Variants in GPR176 observed in about 807,000 individuals in gnomAD.
GPR176 encodes the protein G protein-coupled receptor 176, also known as G-protein coupled receptor 176.
In GPR176, 26 loss-of-function variants were observed where a neutral mutation model predicts 35.4. The ratio of observed to expected loss-of-function variants is 0.74; its 90% CI spans 0.54 to 1.02. The LOEUF is 1.02. Ranked by LOEUF, GPR176 falls within the 50% of genes least tolerant of loss-of-function variation. The pLI is 0.00. For synonymous variants in GPR176, 278 were observed against 271.3 expected (o/e 1.02, Z -0.24); for missense variants, 597 against 665.3 (o/e 0.90, Z 1.13).
intron 1 of GPR176, among the ~76,000 whole-genome samples, chr15:39,888,870 A>G (rs192782410): frequency 2.0e-5 from 3 of 152,118 alleles, no homozygotes; most frequent in African/African-American, 7.2e-5. Context: ...TTTGCGATAA[A>G]CAGTCACCTC....
chr15:39,824,871 T>A (rs1025594816), intron 1 of GPR176, among the ~76,000 whole-genome samples: 2 of 152,178 alleles, frequency 1.3e-5, no homozygotes, highest in Non-Finnish European at 2.9e-5. Context: ...CAGTTTTAGT[T>A]TCTTCCTGAT....
At chr15:39,908,948 T>C (rs943850066) in intron 1 of GPR176, among the ~76,000 whole-genome samples, 2 of 152,168 alleles carry the variant, frequency 1.3e-5, no homozygotes, top group Non-Finnish European at 2.9e-5. Context: ...GGAGTGGGGC[T>C]ATACAGAGTA....
In GPR176 at chr15:39,807,263, T is replaced by C; in HGVS notation, c.173-5A>G. 1 of 1,484,228 alleles carries C rather than the reference T, an allele frequency of 6.7e-7. No individual in the cohort carries two copies. Among genetic ancestry groups the C allele is most frequent in the Non-Finnish European group, 9.0e-7 (1 of 1,112,352 alleles). 91.9% of individuals were successfully genotyped at this position (1,484,228 alleles called of 1,614,324 possible). A position where few individuals can be genotyped will look rare whatever the true frequency, so the allele number is the denominator to read the frequency against. ...ACCATAACACCATGAAGTTTCCTGGTCAGATATGAAAGAAAATAAAATAAT... is the reference window on the plus strand; with the variant it reads ...ACCATAACACCATGAAGTTTCCTGGCCAGATATGAAAGAAAATAAAATAAT... On this transcript the variant is annotated splice_polypyrimidine_tract_variant and splice_region_variant and intron_variant, in intron 1 of 2. Transcript: ENST00000561100.
At chr15:39,862,950 C>A (rs1021679671) in intron 1 of GPR176, among the ~76,000 whole-genome samples, 7 of 152,070 alleles carry the variant, frequency 4.6e-5, no homozygotes, top group Non-Finnish European at 8.8e-5. Flanking sequence ...CCTGTTATTG[C>A]CCCTGAAGAC....
chr15:39,916,004 A>G (rs540059678), intron 1 of GPR176, among the ~76,000 whole-genome samples: 1 of 152,264 alleles, frequency 6.6e-6, no homozygotes, highest in Non-Finnish European at 1.5e-5. Context: ...ACCTCTGATG[A>G]TGATTGCCAC....
Position 39,801,601 on chromosome 15 carries a change from T to C in GPR176, c.1079A>G (p.Glu360Gly), listed in dbSNP as rs770278128. ...TGSGMAEASL[E>G]PSIRSGSQLL... Reference sequence around the variant, plus strand: ...CTGGCTACCCGAGCGTATGCTGGGTTCCAGGCTGGCCTCAGCCATGCCACT... The same window carrying C: ...CTGGCTACCCGAGCGTATGCTGGGTCCCAGGCTGGCCTCAGCCATGCCACT... Residue 360 changes from glutamate (E) to glycine (G), a missense_variant, in exon 3 of 3, where the codon GAA (glutamate) becomes GGA (glycine). By Grantham distance (98) the Glu-to-Gly change is moderately conservative. Coordinates refer to ENST00000561100, the MANE Select transcript of GPR176 (RefSeq NM_007223.3). 6.2e-7 allele frequency: 1 copy of C among 1,613,820 alleles called. No homozygotes were observed. Among genetic ancestry groups the C allele is most frequent in the South Asian group, 1.1e-5 (1 of 91,076 alleles).
At position 39,801,340 on chromosome 15, in the gene GPR176, T is replaced by C. The variant is rs1339354360; in HGVS notation, c.1340A>G (p.Asp447Gly). ...AAPVEPETFPDKYSLQFGFGP... is the reference protein window; with the variant it reads ...AAPVEPETFPGKYSLQFGFGP... ...AAAGCCAAACTGCAGGGAATACTTA[T>C]CAGGGAATGTTTCAGGTTCCACAGG... The change falls in exon 3 of 3, where the codon GAT becomes GGT. Residue 447 changes from aspartate (D) to glycine (G), a missense_variant. Physicochemically the swap from Asp to Gly is moderately conservative, Grantham distance 94. This residue lies in a region of GPR176 where 251 missense variants were observed against 255.4 expected (regional missense o/e 0.98). Coordinates refer to ENST00000561100, the MANE Select transcript of GPR176 (RefSeq NM_007223.3). 15 of 1,613,996 alleles carry C rather than the reference T, an allele frequency of 9.3e-6. No individual in the cohort carries two copies. The highest frequency in any genetic ancestry group is 4.4e-5 in the South Asian group (4 of 91,084).
intron 2 of GPR176, 100 bp downstream of exon 2, chr15:39,806,906 A>T: frequency 1.0e-6 from 1 of 1,004,858 alleles, no homozygotes; most frequent in Admixed American, 2.5e-5. Context: ...CTGACTAAAA[A>T]GCAGTATACG....
intron 1 of GPR176, among the ~76,000 whole-genome samples, chr15:39,872,607 A>C (rs1460811604): frequency 6.6e-6 from 1 of 152,160 alleles, no homozygotes; most frequent in Non-Finnish European, 1.5e-5. Flanking sequence ...TTTACAAGAA[A>C]AGAGGTTTAA....
chr15:39,807,275 GAAA>G lies in GPR176; in HGVS notation c.173-20_173-18del, dbSNP rs572465994. The G allele has an allele frequency of 2.8e-3, 4,002 of 1,408,314 alleles. 9 individuals are homozygous for G. Among genetic ancestry groups the G allele is most frequent in the Non-Finnish European group, 3.4e-3 (3,635 of 1,064,546 alleles). 87.2% of individuals were successfully genotyped at this position (1,408,314 alleles called of 1,614,324 possible). A position where few individuals can be genotyped will look rare whatever the true frequency, so the allele number is the denominator to read the frequency against. ...TGAAGTTTCCTGGTCAGATATGAAA[GAAA>G]ATAAAATAATTTAAATAAAAATTTA... On this transcript the variant is annotated intron_variant, in intron 1 of 2. Coordinates refer to ENST00000561100, the MANE Select transcript of GPR176 (RefSeq NM_007223.3).
chr15:39,913,971 G>A (rs1245458778), intron 1 of GPR176, among the ~76,000 whole-genome samples: 4 of 152,096 alleles, frequency 2.6e-5, no homozygotes, highest in East Asian at 3.9e-4. Flanking sequence ...GCGTGAACCT[G>A]GGAGGCGGAC....
intron 1 of GPR176, among the ~76,000 whole-genome samples, chr15:39,872,990 A>C (rs2032106067): frequency 6.6e-6 from 1 of 150,406 alleles, no homozygotes; most frequent in Admixed American, 6.7e-5. Context: ...ATAGAATCCA[A>C]ACAGTGCTTT....
At chr15:39,809,022 G>C (rs192778537) in intron 1 of GPR176, among the ~76,000 whole-genome samples, 1 of 152,198 alleles carries the variant, frequency 6.6e-6, no homozygotes, top group South Asian at 2.1e-4. Flanking sequence ...CTCTCACAGG[G>C]AACCAGTCCT....
intron 1 of GPR176, among the ~76,000 whole-genome samples, chr15:39,882,651 T>C (rs564107839): frequency 2.0e-5 from 3 of 152,260 alleles, no homozygotes; most frequent in Non-Finnish European, 4.4e-5. Flanking sequence ...CACTTCTTTA[T>C]TCACCAAAAC....
chr15:39,903,869 T>C (rs78283647), intron 1 of GPR176, among the ~76,000 whole-genome samples: 1,964 of 152,178 alleles, frequency 0.013, 53 homozygotes, highest in African/African-American at 0.042. Context: ...ACGAATCCCA[T>C]AGGGTGAAGT....
chr15:39,840,839 C>G (rs534212496), intron 1 of GPR176, among the ~76,000 whole-genome samples: 17 of 152,174 alleles, frequency 1.1e-4, no homozygotes, highest in East Asian at 3.9e-4. Context: ...TTAATATTTA[C>G]CAAGTATTTT....
At chr15:39,918,685 C>T (rs1432940574) in intron 1 of GPR176, among the ~76,000 whole-genome samples, 1 of 151,192 alleles carries the variant, frequency 6.6e-6, no homozygotes, top group Non-Finnish European at 1.5e-5. Flanking sequence ...ACACACACAC[C>T]CCTAGATATA....
chr15:39,887,512 C>T (rs918058125), intron 1 of GPR176, among the ~76,000 whole-genome samples: 11 of 150,432 alleles, frequency 7.3e-5, no homozygotes, highest in Admixed American at 4.7e-4. Flanking sequence ...ATTCATCCAA[C>T]AGGTGAAAAA....
chr15:39,909,313 G>T (rs142710898), intron 1 of GPR176, among the ~76,000 whole-genome samples: 1 of 152,202 alleles, frequency 6.6e-6, no homozygotes. Context: ...TCACGTAATA[G>T]TTGGTACATG....
Sources: gnomAD v4.1 joint callset for allele counts (sites outside exome capture counted in the v4.1 genomes callset) on GRCh38, gnomAD v4.1.1 for gene constraint, gnomAD v4.1.1 regional missense constraint, MANE v1.5 for transcripts, NCBI Gene and HGNC (gene_info 2026-07-23, HGNC 2026-07-21) for gene names.